MAML2: variants seen among roughly 807,000 people sequenced by gnomAD.
The protein encoded by MAML2 is mastermind like transcriptional coactivator 2, also known as mastermind-like protein 2.
Under a neutral mutation model 96.1 loss-of-function variants are expected in MAML2, and 22 were observed. That is an observed-to-expected ratio of 0.23 (90% confidence interval 0.16 to 0.33). The LOEUF (loss-of-function observed/expected upper bound fraction) is 0.33. MAML2 is among the 10% of genes least tolerant of loss of function. The probability of loss-of-function intolerance (pLI) is 1.00; values close to 1 mark genes in which losing one functional copy is unlikely to be tolerated. For missense variants in MAML2, 1,367 were observed against 1,392.4 expected, an observed-to-expected ratio of 0.98 and a Z score of 0.29; for synonymous variants, 561 against 521.3, an observed-to-expected ratio of 1.08 and a Z score of -1.04.
At chr11:96,232,169 A>C (rs1862302580) in intron 1 of MAML2, among the ~76,000 whole-genome samples, 1 of 152,152 alleles carries the variant, frequency 6.6e-6, no homozygotes, top group Admixed American at 6.5e-5. Flanking sequence ...CCCTATGGGT[A>C]CTTGTGGTCT....
chr11:95,983,707 A>T (rs985769788), intron 4 of MAML2, among the ~76,000 whole-genome samples: 5 of 150,706 alleles, frequency 3.3e-5, no homozygotes, highest in African/African-American at 1.2e-4. Flanking sequence ...AAAATAATTT[A>T]AAAATTGTAA....
intron 1 of MAML2, among the ~76,000 whole-genome samples, chr11:96,251,742 T>G (rs1862584470): frequency 6.6e-6 from 1 of 151,776 alleles, no homozygotes. Context: ...CCTTTTTTTT[T>G]TTTTTTTGAG....
chr11:96,045,918 T>TTTC (rs1555001105), intron 2 of MAML2, among the ~76,000 whole-genome samples: 2 of 150,562 alleles, frequency 1.3e-5, no homozygotes, highest in African/African-American at 4.9e-5. Flanking sequence ...TTTTTTTTTT[T>TTTC]CCCCCATTCC....
intron 3 of MAML2, among the ~76,000 whole-genome samples, chr11:95,987,367 C>T (rs1857843767): frequency 6.6e-6 from 1 of 152,174 alleles, no homozygotes; most frequent in South Asian, 2.1e-4. Flanking sequence ...AGTATCATAT[C>T]AGCTTTGGGA....
At chr11:96,155,695 G>A (rs977012702) in intron 1 of MAML2, among the ~76,000 whole-genome samples, 2 of 151,278 alleles carry the variant, frequency 1.3e-5, no homozygotes, top group East Asian at 3.9e-4. Context: ...CAGAGCAAGG[G>A]AAAGAGAAAG....
chr11:96,174,532 C>T (rs1222665719), intron 1 of MAML2, among the ~76,000 whole-genome samples: 12 of 152,128 alleles, frequency 7.9e-5, no homozygotes, highest in Admixed American at 2.0e-4. Flanking sequence ...TACAGGCACC[C>T]GCCGCCATGC....
intron 1 of MAML2, among the ~76,000 whole-genome samples, chr11:96,239,306 G>A (rs963853334): frequency 6.6e-5 from 10 of 152,224 alleles, no homozygotes; most frequent in Non-Finnish European, 7.3e-5. Context: ...TTCCTTGAGT[G>A]ATGGCAGTAG....
At position 96,277,972 on chromosome 11, in the gene MAML2, A is replaced by AGT. The variant is rs1565270942; in HGVS notation, c.513+63410_513+63411insAC. On this transcript the variant is annotated intron_variant, in intron 1 of 4. Transcript: ENST00000524717. ...CAGTGATTCTCAAGCTAGATACACA[A>AGT]CAGAATCATCTGGAGGACTTGTTAA... Among the ~76,000 whole-genome samples the AGT allele has an allele frequency of 3.0e-4, 45 of 151,660 alleles. No individual in the cohort carries two copies. In the East Asian group the frequency reaches 8.7e-3, roughly 29 times the overall value.
At chr11:96,186,227 A>G (rs896421862) in intron 1 of MAML2, among the ~76,000 whole-genome samples, 4 of 152,262 alleles carry the variant, frequency 2.6e-5, no homozygotes, top group Non-Finnish European at 4.4e-5. Flanking sequence ...ATTGCCTATC[A>G]AATCACAGGA....
chr11:96,215,322 C>T (rs561479372), intron 1 of MAML2, among the ~76,000 whole-genome samples: 52 of 152,328 alleles, frequency 3.4e-4, no homozygotes, highest in African/African-American at 1.1e-3. Flanking sequence ...TTCCAAGTAA[C>T]AAATCTTCAT....
chr11:96,231,041 G>A (rs1862286238), intron 1 of MAML2, among the ~76,000 whole-genome samples: 1 of 151,632 alleles, frequency 6.6e-6, no homozygotes, highest in Non-Finnish European at 1.5e-5. Flanking sequence ...AGTATTTAAT[G>A]ACAAGCGAAT....
intron 1 of MAML2, among the ~76,000 whole-genome samples, chr11:96,103,766 C>T (rs746522686): frequency 1.3e-5 from 2 of 152,184 alleles, no homozygotes; most frequent in Admixed American, 6.5e-5. Context: ...CATCTACATT[C>T]AGTGACTCTG....
Position 96,295,937 on chromosome 11 carries a change from AACACACAC to A in MAML2, c.513+45438_513+45445del, listed in dbSNP as rs56231526. On this transcript the variant is annotated intron_variant, in intron 1 of 4. Coordinates refer to ENST00000524717, the MANE Select transcript of MAML2 (RefSeq NM_032427.4). ...AAATCCATTTCACATCAGAACAGTA[AACACACAC>A]ACACACACACACACACACACACACA... Among the ~76,000 whole-genome samples the A allele has an allele frequency of 3.0e-3, 414 of 137,864 alleles. 2 individuals are homozygous for A. Among genetic ancestry groups the A allele is most frequent in the Admixed American group, 2.7e-3 (37 of 13,948 alleles). The allele number at this position is 137,864 out of a possible 152,430, so 90.4% of individuals were successfully genotyped here.
At chr11:96,042,467 T>G (rs1006801356) in intron 2 of MAML2, among the ~76,000 whole-genome samples, 12 of 152,156 alleles carry the variant, frequency 7.9e-5, no homozygotes, top group African/African-American at 2.9e-4. Flanking sequence ...TCCCGTGGTC[T>G]TCCCCACTGA....
chr11:95,997,085 A>C (rs1858003191), intron 2 of MAML2, among the ~76,000 whole-genome samples: 1 of 152,226 alleles, frequency 6.6e-6, no homozygotes, highest in Non-Finnish European at 1.5e-5. Context: ...TTGATTTGGC[A>C]GCAAGGAATA....
At chr11:96,321,883 A>T (rs952506020) in intron 1 of MAML2, among the ~76,000 whole-genome samples, 5 of 152,050 alleles carry the variant, frequency 3.3e-5, no homozygotes, top group Non-Finnish European at 5.9e-5. Context: ...CTAAATGCCA[A>T]TTTTTTTTAA....
Position 96,092,358 on chromosome 11 carries a change from G to A in MAML2, c.1673C>T (p.Pro558Leu). The change falls in exon 2 of 5, where the codon CCT becomes CTT. Residue 558 changes from proline to leucine, a missense_variant. Physicochemically the swap from Pro to Leu is moderately conservative, Grantham distance 98. Coordinates refer to ENST00000524717, the MANE Select transcript of MAML2 (RefSeq NM_032427.4). This position sits in a 1 kb window ranked among gnomAD's most constrained non-coding sequence, Gnocchi z 4.1. The stretch of plus-strand genomic sequence containing the variant: ...TTGATCTGAGTTAAAATGAAACAAA[G>A]GCTTGGTGTTGCCCTGACGGGGCTC... The part of the protein sequence containing the change: ...AMEPRQGNTK[P>L]LFHFNSDQAN... 1 of 1,613,350 alleles carries A rather than the reference G, an allele frequency of 6.2e-7. No individual in the cohort carries two copies. Among genetic ancestry groups the A allele is most frequent in the Non-Finnish European group, 8.5e-7 (1 of 1,179,670 alleles).
At chr11:96,115,487 A>G (rs1416399116) in intron 1 of MAML2, among the ~76,000 whole-genome samples, 1 of 135,316 alleles carries the variant, frequency 7.4e-6, no homozygotes, top group African/African-American at 2.9e-5. Context: ...TTTTTTTTTT[A>G]AACCCCATTC....
At chr11:96,158,105 C>G (rs1020744052) in intron 1 of MAML2, among the ~76,000 whole-genome samples, 7 of 152,052 alleles carry the variant, frequency 4.6e-5, no homozygotes, top group African/African-American at 1.7e-4. Context: ...GTGGGGAAGG[C>G]AAGGCTAAAC....
Sources: gnomAD v4.1 joint callset for allele counts (sites outside exome capture counted in the v4.1 genomes callset) on GRCh38, gnomAD v4.1.1 for gene constraint, Gnocchi (gnomAD v3.1) non-coding constraint, MANE v1.5 for transcripts, NCBI Gene and HGNC (gene_info 2026-07-23, HGNC 2026-07-21) for gene names.